TG: variants seen among roughly 807,000 people sequenced by gnomAD.
TG encodes thyroglobulin.
TG carries 270 observed loss-of-function variants against 324.7 expected under a neutral mutation model. That is an observed-to-expected ratio of 0.83 (90% CI 0.75 to 0.92). The LOEUF (loss-of-function observed/expected upper bound fraction) is 0.92. Ranked by LOEUF, TG falls within the 40% of genes least tolerant of loss-of-function variation. TG has a pLI of 0.00. For missense variants in TG, 3,591 were observed against 3,456.4 expected, an observed-to-expected ratio of 1.04 and a Z score of -0.98; for synonymous variants, 1,401 against 1,327.0, an observed-to-expected ratio of 1.06 and a Z score of -1.21.
chr8:132,978,335 T>G (rs1198887939), intron 34 of TG, among the ~76,000 whole-genome samples: 1 of 152,090 alleles, frequency 6.6e-6, no homozygotes, highest in Non-Finnish European at 1.5e-5. Flanking sequence ...ACCAAGCCAT[T>G]CATGATGGAT....
At chr8:132,961,159 A>T (rs547749802) in intron 28 of TG, 86 bp downstream of exon 28, 1 of 1,331,474 alleles carries the variant, frequency 7.5e-7, no homozygotes, top group South Asian at 1.2e-5. Flanking sequence ...AGGGCACTCT[A>T]TTTCTGTAGA....
At chr8:133,025,430 C>A (rs770878717) in intron 40 of TG, among the ~76,000 whole-genome samples, 1 of 152,072 alleles carries the variant, frequency 6.6e-6, no homozygotes, top group Non-Finnish European at 1.5e-5. Context: ...ATTATTTAGA[C>A]CTGTTTTAAG....
intron 5 of TG, among the ~76,000 whole-genome samples, chr8:132,878,343 G>A (rs1587204065): frequency 6.6e-6 from 1 of 152,010 alleles, no homozygotes; most frequent in South Asian, 2.1e-4. Flanking sequence ...CAGGTCCAGC[G>A]CGCTGGCTCA....
At chr8:133,046,059 A>G (rs527656606) in intron 41 of TG, among the ~76,000 whole-genome samples, 1 of 152,334 alleles carries the variant, frequency 6.6e-6, no homozygotes, top group South Asian at 2.1e-4. Context: ...CGTTAGAGCA[A>G]TGACCTGATA....
chr8:132,882,922 A>C lies in TG; in HGVS notation c.998A>C (p.Glu333Ala), dbSNP rs1483412433. ...GDYQAVQCQT[E>A]GPCWCVDAQG... ...TATCAGGCGGTGCAGTGCCAGACGG[A>C]AGGGCCCTGCTGGTGTGTGGACGCC... The change falls in exon 8 of 48, where the codon GAA (glutamate) becomes GCA (alanine). Residue 333 changes from glutamate to alanine, a missense_variant. Glu to Ala is a moderately radical substitution (Grantham distance 107). Coordinates refer to ENST00000220616, the MANE Select transcript of TG (RefSeq NM_003235.5). 2.5e-6 allele frequency: 4 copies of C among 1,614,046 alleles called. No homozygotes were observed. The highest frequency in any genetic ancestry group is 2.5e-6 in the Non-Finnish European group (3 of 1,180,032).
chr8:133,122,842 C>G (rs1851246016), intron 45 of TG, among the ~76,000 whole-genome samples: 2 of 152,330 alleles, frequency 1.3e-5, no homozygotes, highest in African/African-American at 4.8e-5. Flanking sequence ...TCCTGTTCAT[C>G]TCTGCCCACT....
rs570056380 is a variant in TG at position 133,023,440 on chromosome 8, G to A, written c.7036+1290G>A. ...CTCAGTTTTCTTGGTGGTAAAATAAGGAAAATTATCCCCACCCTCTTTCAC... is the reference window on the plus strand; with the variant it reads ...CTCAGTTTTCTTGGTGGTAAAATAAAGAAAATTATCCCCACCCTCTTTCAC... On this transcript the variant is annotated intron_variant, in intron 40 of 47. Coordinates refer to ENST00000220616, the MANE Select transcript of TG (RefSeq NM_003235.5). Among the ~76,000 whole-genome samples the A allele has an allele frequency of 9.9e-5, 15 of 152,112 alleles. No individual in the cohort carries two copies. The East Asian group carries it at 2.5e-3, about 25-fold the overall frequency.
At chr8:132,938,969 A>C (rs1034529344) in intron 25 of TG, among the ~76,000 whole-genome samples, 38 of 149,734 alleles carry the variant, frequency 2.5e-4, no homozygotes, top group Non-Finnish European at 5.9e-5. Flanking sequence ...GGAGAATGGC[A>C]TGAACCCAGG....
At chr8:133,038,185 C>T (rs1211985950) in intron 41 of TG, 9 of 329,332 alleles carry the variant, frequency 2.7e-5, no homozygotes, top group Non-Finnish European at 4.0e-5. Flanking sequence ...GGTCCAGTTC[C>T]TTGGAGAGCA....
rs1346710682 is a variant in TG, at chr8:132,919,458, C to T, written c.4461C>T (p.Ser1487=). 6.2e-6 allele frequency: 10 copies of T among 1,614,136 alleles called. 1 individual carries two copies. In the Middle Eastern group the frequency reaches 5.0e-4, roughly 80 times the overall value. Residue 1487 remains serine, a synonymous_variant, in exon 21 of 48, where the codon AGC becomes AGT. Transcript: ENST00000220616. ...PVGFYQEQAG[S]LACVPCPVGR... ...GATTCTACCAAGAACAGGCAGGGAG[C>T]TTGGCCTGTGTCCCATGTCCTGTGG...
intron 41 of TG, among the ~76,000 whole-genome samples, chr8:133,051,320 A>G (rs1408645320): frequency 6.6e-6 from 1 of 152,150 alleles, no homozygotes; most frequent in Non-Finnish European, 1.5e-5. Context: ...GTTACACCAC[A>G]TACGTTCACA....
chr8:133,072,464 G>GGATA (rs1262984908), intron 41 of TG, among the ~76,000 whole-genome samples: 3 of 152,078 alleles, frequency 2.0e-5, no homozygotes, highest in Admixed American at 6.5e-5. Flanking sequence ...ATAGATAGAT[G>GGATA]GATAGATAGA....
At chr8:133,075,012 C>A (rs1247493012) in intron 41 of TG, 1 of 985,488 alleles carries the variant, frequency 1.0e-6, no homozygotes, top group Non-Finnish European at 1.2e-6. Flanking sequence ...CACAGAAGAA[C>A]TGCAGTTGCT....
chr8:132,984,518 A>G (rs146136271), intron 35 of TG, among the ~76,000 whole-genome samples: 1 of 152,338 alleles, frequency 6.6e-6, no homozygotes, highest in African/African-American at 2.4e-5. Context: ...TTAGAGACAG[A>G]TAAGGTTGCC....
rs560799565 is a variant in TG, at chr8:132,884,064, C to T, written c.1075+1065C>T. Among the ~76,000 whole-genome samples, 30 of 152,316 alleles carry T rather than the reference C, an allele frequency of 2.0e-4. No individual in the cohort carries two copies. In the South Asian group the frequency reaches 3.1e-3, roughly 16 times the overall value. On this transcript the variant is annotated intron_variant, in intron 8 of 47. Transcript: ENST00000220616. ...CTCCATTGCCACGTGGCCATCTTCC[C>T]TCTGTGTCTGTCTATGAGTCTTCTC...
At chr8:133,025,087 T>G (rs572725906) in intron 40 of TG, among the ~76,000 whole-genome samples, 3 of 152,172 alleles carry the variant, frequency 2.0e-5, no homozygotes, top group Non-Finnish European at 4.4e-5. Flanking sequence ...ACATTGCGCC[T>G]CCGTGCTCTT....
chr8:133,023,205 C>A (rs1432562814), intron 40 of TG, among the ~76,000 whole-genome samples: 1 of 152,150 alleles, frequency 6.6e-6, no homozygotes, highest in Admixed American at 6.5e-5. Context: ...TGGCATGAGG[C>A]CTTGGATGCT....
intron 41 of TG, chr8:133,076,759 T>TAAAAAAAAAAA (rs35056813): frequency 7.8e-6 from 1 of 128,464 alleles, no homozygotes; most frequent in African/African-American, 3.0e-5. Flanking sequence ...GATTTAGCTG[T>TAAAAAAAAAAA]AAAAAAAAAA....
At position 132,906,714 on chromosome 8, in the gene TG, G is replaced by A. The variant is rs139820296; in HGVS notation, c.3661G>A (p.Ala1221Thr). The A allele has an allele frequency of 1.6e-5, 26 of 1,614,190 alleles. No individual in the cohort carries two copies. The highest frequency in any genetic ancestry group is 8.3e-5 in the Admixed American group (5 of 60,032). ...ESPRCPLPFN[A>T]SEVVGGTILC... ...CCCGCGGTGTCCGCTGCCATTCAAC[G>A]CGTCGGAGGTGGTTGGTGGAACAAT... Residue 1221 changes from alanine (A) to threonine (T), a missense_variant, in exon 17 of 48, where the codon GCG becomes ACG. Transcript: ENST00000220616.
Sources: allele counts gnomAD v4.1 joint callset (sites outside exome capture counted in the v4.1 genomes callset), GRCh38; gene constraint gnomAD v4.1.1; transcripts MANE v1.5; gene names NCBI Gene and HGNC (gene_info 2026-07-23, HGNC 2026-07-21).